Variants in GPC5 observed in about 807,000 individuals in gnomAD.
GPC5 encodes glypican 5.
GPC5 carries 47 observed loss-of-function variants against 53.9 expected under a neutral mutation model. That is an observed-to-expected ratio of 0.87 (90% CI 0.69 to 1.11). The LOEUF (loss-of-function observed/expected upper bound fraction) is 1.11. GPC5 is among the 50% of genes most tolerant of loss of function. The pLI, the probability that GPC5 is intolerant of heterozygous loss-of-function variation, is 0.00. For synonymous variants in GPC5, 286 were observed against 263.3 expected (o/e 1.09, Z -0.84); for missense variants, 748 against 713.1 (o/e 1.05, Z -0.56).
intron 7 of GPC5, among the ~76,000 whole-genome samples, chr13:92,381,872 A>G (rs2139307799): frequency 9.4e-6 from 1 of 105,862 alleles, no homozygotes; most frequent in East Asian, 2.8e-4. Flanking sequence ...TATATATCAT[A>G]TATATGATTA....
At chr13:92,264,878 C>CTCTCTGTGTGTGTG (rs1310875481) in intron 7 of GPC5, among the ~76,000 whole-genome samples, 8 of 104,764 alleles carry the variant, frequency 7.6e-5, no homozygotes, top group African/African-American at 2.5e-4. Flanking sequence ...CTCTCTCTCT[C>CTCTCTGTGTGTGTG]TGTGTGTGTG....
chr13:91,548,436 T>C (rs1338954717), intron 2 of GPC5, among the ~76,000 whole-genome samples: 1 of 152,092 alleles, frequency 6.6e-6, no homozygotes, highest in Non-Finnish European at 1.5e-5. Flanking sequence ...AGAAAAACTA[T>C]AAAACTCTGA....
intron 7 of GPC5, chr13:92,720,090 C>G (rs1888462406): frequency 1.3e-5 from 2 of 152,132 alleles, no homozygotes; most frequent in South Asian, 4.1e-4. Context: ...CTTAATGTTG[C>G]TCTGGAGTGC....
chr13:92,478,516 T>C (rs1452065496), intron 7 of GPC5, among the ~76,000 whole-genome samples: 1 of 152,202 alleles, frequency 6.6e-6, no homozygotes, highest in Non-Finnish European at 1.5e-5. Flanking sequence ...GATAATTCGC[T>C]AAAAATGTAT....
chr13:91,708,086 T>C (rs551855180), intron 3 of GPC5, among the ~76,000 whole-genome samples: 8 of 152,280 alleles, frequency 5.3e-5, no homozygotes, highest in African/African-American at 1.4e-4. Context: ...GTTAATGAAT[T>C]GGTCAGTGCC....
Position 91,693,077 on chromosome 13 carries a change from A to C in GPC5, c.326-110A>C, listed in dbSNP as rs1327169519. 5.0e-6 allele frequency: 4 copies of C among 796,278 alleles called. No individual in the cohort carries two copies. In the South Asian group the frequency reaches 5.6e-5, roughly 11 times the overall value. 49.3% of individuals were successfully genotyped at this position (796,278 alleles called of 1,614,324 possible). On this transcript the variant is annotated intron_variant, in intron 2 of 7. Coordinates refer to ENST00000377067, the MANE Select transcript of GPC5 (RefSeq NM_004466.6). Reference sequence around the variant, plus strand: ...TTTGGTTGAGTAGGCTGAGAGTTACAATTTAGATACTTAGATTAGTTTTGA... The same window carrying C: ...TTTGGTTGAGTAGGCTGAGAGTTACCATTTAGATACTTAGATTAGTTTTGA...
At chr13:91,827,903 A>G (rs1461902456) in intron 5 of GPC5, among the ~76,000 whole-genome samples, 1 of 152,052 alleles carries the variant, frequency 6.6e-6, no homozygotes, top group African/African-American at 2.4e-5. Context: ...TCACAGCATC[A>G]TTATTCAAAA....
At chr13:92,212,237 C>A (rs1048981130) in intron 7 of GPC5, among the ~76,000 whole-genome samples, 1 of 152,112 alleles carries the variant, frequency 6.6e-6, no homozygotes, top group African/African-American at 2.4e-5. Context: ...AGCCTCACCT[C>A]TAGCTATGCA....
At chr13:91,673,650 A>G (rs2035302945) in intron 2 of GPC5, among the ~76,000 whole-genome samples, 2 of 152,200 alleles carry the variant, frequency 1.3e-5, no homozygotes, top group East Asian at 3.9e-4. Flanking sequence ...AAGCGTGCCC[A>G]TTACTCCATG....
intron 6 of GPC5, among the ~76,000 whole-genome samples, chr13:92,133,796 G>GA (rs530237136): frequency 6.6e-5 from 10 of 152,046 alleles, no homozygotes; most frequent in African/African-American, 1.7e-4. Flanking sequence ...AAAGGCAAGG[G>GA]AAAAAAATCT....
At chr13:91,882,021 C>T (rs1469607949) in intron 5 of GPC5, among the ~76,000 whole-genome samples, 3 of 152,042 alleles carry the variant, frequency 2.0e-5, no homozygotes, top group Admixed American at 1.3e-4. Flanking sequence ...AGATGGTTTG[C>T]GTCTTCTTCT....
intron 6 of GPC5, among the ~76,000 whole-genome samples, chr13:91,940,839 G>T (rs926065408): frequency 1.3e-5 from 2 of 151,894 alleles, no homozygotes; most frequent in Non-Finnish European, 2.9e-5. Context: ...TTTTAATGGG[G>T]TTATTTGTTT....
At chr13:91,725,824 T>G (rs1215166604) in intron 3 of GPC5, among the ~76,000 whole-genome samples, 1 of 152,212 alleles carries the variant, frequency 6.6e-6, no homozygotes, top group Non-Finnish European at 1.5e-5. Flanking sequence ...AAAGTCGTTT[T>G]ATTTTCTTGA....
Position 92,013,632 on chromosome 13 carries a change from G to A in GPC5, c.1401+105575G>A, listed in dbSNP as rs898526977. Among the ~76,000 whole-genome samples, 8 of 152,136 alleles carry A rather than the reference G, an allele frequency of 5.3e-5. 1 individual carries two copies. The highest frequency in any genetic ancestry group is 2.1e-4 in the South Asian group (1 of 4,832). ...TTTCAGGCTACTTTGGCTTAAAGGT[G>A]GGTTTCACCAGGGACCTGCCCCTGT... On this transcript the variant is annotated intron_variant, in intron 6 of 7. Transcript: ENST00000377067.
chr13:91,743,700 A>G (rs996678679), intron 4 of GPC5, among the ~76,000 whole-genome samples: 1 of 152,062 alleles, frequency 6.6e-6, no homozygotes, highest in Non-Finnish European at 1.5e-5. Flanking sequence ...TAGGTTACAC[A>G]TGTGATAGAG....
intron 7 of GPC5, among the ~76,000 whole-genome samples, chr13:92,782,411 G>A (rs984043789): frequency 6.6e-6 from 1 of 152,126 alleles, no homozygotes; most frequent in African/African-American, 2.4e-5. Context: ...CTAGGAGAAC[G>A]TAGAGGGATA....
chr13:92,264,046 C>T (rs1320911146), intron 7 of GPC5, among the ~76,000 whole-genome samples: 1 of 151,996 alleles, frequency 6.6e-6, no homozygotes, highest in Non-Finnish European at 1.5e-5. Flanking sequence ...GAAAACATCA[C>T]ATTATATCCC....
At chr13:92,774,889 A>T (rs540341725) in intron 7 of GPC5, among the ~76,000 whole-genome samples, 1 of 152,178 alleles carries the variant, frequency 6.6e-6, no homozygotes, top group Non-Finnish European at 1.5e-5. Context: ...TTTGTTTAAC[A>T]TACTAAAAAA....
At chr13:91,759,029 A>T (rs991371359) in intron 5 of GPC5, among the ~76,000 whole-genome samples, 1 of 152,068 alleles carries the variant, frequency 6.6e-6, no homozygotes, top group Non-Finnish European at 1.5e-5. Flanking sequence ...AGCATGTTTC[A>T]GCCCTGATTA....
Sources: allele counts gnomAD v4.1 joint callset (sites outside exome capture counted in the v4.1 genomes callset), GRCh38; gene constraint gnomAD v4.1.1; transcripts MANE v1.5; gene names NCBI Gene and HGNC (gene_info 2026-07-23, HGNC 2026-07-21).